Variants in CDK6 observed in about 807,000 individuals in gnomAD.
CDK6 encodes the protein cyclin-dependent kinase 6.
A neutral mutation model predicts 37.1 loss-of-function variants in CDK6; 6 were observed. The ratio of observed to expected loss-of-function variants is 0.16; its 90% CI spans 0.09 to 0.32. The LOEUF is 0.32. Ranked by LOEUF, CDK6 falls within the 10% of genes least tolerant of loss-of-function variation. The pLI is 1.00. For synonymous variants in CDK6, 160 were observed against 161.3 expected, an observed-to-expected ratio of 0.99 and a Z score of 0.06; for missense variants, 224 against 418.9, an observed-to-expected ratio of 0.53 and a Z score of 4.06.
intron 4 of CDK6, among the ~76,000 whole-genome samples, chr7:92,692,499 C>A (rs1797620505): frequency 6.6e-6 from 1 of 151,494 alleles, no homozygotes; most frequent in African/African-American, 2.4e-5. Context: ...TGAAAATTAT[C>A]TTGGGCTGGG....
At chr7:92,725,218 G>A (rs1226128252) in intron 4 of CDK6, 5 of 985,264 alleles carry the variant, frequency 5.1e-6, no homozygotes, top group African/African-American at 3.5e-5. Flanking sequence ...AACCTGTGTA[G>A]GCACTCTGTT....
At chr7:92,811,033 AGAATG>A (rs1349806539) in intron 2 of CDK6, among the ~76,000 whole-genome samples, 1 of 152,078 alleles carries the variant, frequency 6.6e-6, no homozygotes, top group African/African-American at 2.4e-5. Flanking sequence ...GCCCGGTGAC[AGAATG>A]AGAACCCCCC....
At chr7:92,692,755 T>A (rs1797625814) in intron 4 of CDK6, among the ~76,000 whole-genome samples, 1 of 152,156 alleles carries the variant, frequency 6.6e-6, no homozygotes, top group Admixed American at 6.5e-5. Flanking sequence ...GCCACTGCAC[T>A]CCAGCCTGAA....
chr7:92,680,865 C>T (rs1470347133), intron 4 of CDK6, among the ~76,000 whole-genome samples: 3 of 152,214 alleles, frequency 2.0e-5, no homozygotes, highest in Non-Finnish European at 4.4e-5. Flanking sequence ...CAAAGCCTTT[C>T]CTGATCTCCC....
At chr7:92,705,785 A>C (rs553930400) in intron 4 of CDK6, among the ~76,000 whole-genome samples, 1 of 152,316 alleles carries the variant, frequency 6.6e-6, no homozygotes, top group East Asian at 1.9e-4. Context: ...TATTAAGACA[A>C]ATGTTCTTAA....
intron 2 of CDK6, among the ~76,000 whole-genome samples, chr7:92,797,252 C>T (rs1800437978): frequency 6.6e-6 from 1 of 152,166 alleles, no homozygotes; most frequent in Non-Finnish European, 1.5e-5. Context: ...CTCCCCTCTC[C>T]AGGTTCCATG....
chr7:92,621,810 C>G (rs983850468), intron 6 of CDK6, among the ~76,000 whole-genome samples: 1 of 152,096 alleles, frequency 6.6e-6, no homozygotes, highest in Non-Finnish European at 1.5e-5. Context: ...AGGAAGCCCC[C>G]AGGCATAAAA....
intron 3 of CDK6, among the ~76,000 whole-genome samples, chr7:92,733,161 T>A (rs999033266): frequency 1.3e-5 from 2 of 152,218 alleles, no homozygotes. Context: ...ACAGACCCAA[T>A]GGGGCCTGTA....
intron 5 of CDK6, among the ~76,000 whole-genome samples, chr7:92,663,421 C>T (rs952854526): frequency 6.6e-6 from 1 of 152,176 alleles, no homozygotes; most frequent in South Asian, 2.1e-4. Context: ...TTTAAAAAAT[C>T]AGGCCAGGCA....
chr7:92,620,543 A>G (rs914474356), intron 6 of CDK6, among the ~76,000 whole-genome samples: 1 of 152,182 alleles, frequency 6.6e-6, no homozygotes. Flanking sequence ...GGCTAAAACT[A>G]TTGTTTCACT....
intron 5 of CDK6, among the ~76,000 whole-genome samples, chr7:92,636,768 C>T (rs546639602): frequency 2.2e-4 from 33 of 152,238 alleles, no homozygotes; most frequent in African/African-American, 7.9e-4. Context: ...TGGGTTCAAG[C>T]GATTCTCCTG....
chr7:92,625,347 T>C (rs922803336), intron 5 of CDK6, among the ~76,000 whole-genome samples: 7 of 152,020 alleles, frequency 4.6e-5, no homozygotes, highest in South Asian at 4.1e-4. Flanking sequence ...TTTGCCACCA[T>C]GTGGTGAGGT....
At chr7:92,705,105 C>A (rs1797937275) in intron 4 of CDK6, among the ~76,000 whole-genome samples, 1 of 152,082 alleles carries the variant, frequency 6.6e-6, no homozygotes, top group African/African-American at 2.4e-5. Flanking sequence ...ACATTTTTAC[C>A]AATCTATGTA....
At chr7:92,720,862 A>G (rs1253022770) in intron 4 of CDK6, among the ~76,000 whole-genome samples, 1 of 152,220 alleles carries the variant, frequency 6.6e-6, no homozygotes, top group Non-Finnish European at 1.5e-5. Flanking sequence ...CACAACAGTC[A>G]TTGTACCGAA....
At chr7:92,706,743 C>T (rs79655314) in intron 4 of CDK6, among the ~76,000 whole-genome samples, 2 of 152,168 alleles carry the variant, frequency 1.3e-5, no homozygotes, top group Non-Finnish European at 2.9e-5. Context: ...TGCCTGAAAG[C>T]AAAGCAATTA....
chr7:92,684,825 C>T (rs1243445404), intron 4 of CDK6, among the ~76,000 whole-genome samples: 1 of 151,920 alleles, frequency 6.6e-6, no homozygotes, highest in African/African-American at 2.4e-5. Context: ...ATACTATGAC[C>T]CACCATTTTC....
intron 7 of CDK6, 144 bp from the exon 8 acceptor site, chr7:92,615,430 T>C: frequency 3.0e-6 from 2 of 676,032 alleles, no homozygotes; most frequent in East Asian, 2.7e-5. Context: ...CACTAAATAA[T>C]ATGGAGACAG....
At chr7:92,703,061 A>G (rs2079147) in intron 4 of CDK6, among the ~76,000 whole-genome samples, 57,228 of 152,052 alleles carry the variant, frequency 0.38, 13,209 homozygotes, top group Non-Finnish European at 0.52. Flanking sequence ...ACCCACTGAT[A>G]TATATGTAAC....
intron 5 of CDK6, among the ~76,000 whole-genome samples, chr7:92,629,847 A>G (rs1029976227): frequency 2.6e-5 from 4 of 152,092 alleles, no homozygotes; most frequent in African/African-American, 9.7e-5. Context: ...ATGGTAACTC[A>G]ACAATGTAGG....
Sources: allele counts gnomAD v4.1 joint callset (sites outside exome capture counted in the v4.1 genomes callset), GRCh38; gene constraint gnomAD v4.1.1; transcripts MANE v1.5; gene names NCBI Gene and HGNC (gene_info 2026-07-23, HGNC 2026-07-21).